The following RBFOX1 variants were observed in gnomAD, a reference collection of about 807,000 sequenced individuals.
The protein encoded by RBFOX1 is RNA binding fox-1 homolog 1.
RBFOX1 carries 8 observed loss-of-function variants against 57.7 expected under a neutral mutation model. That is an observed-to-expected ratio of 0.14 (90% CI 0.08 to 0.25). The LOEUF (loss-of-function observed/expected upper bound fraction) is 0.25. Ranked by LOEUF, RBFOX1 falls within the 10% of genes least tolerant of loss-of-function variation. The pLI is 1.00. For missense variants in RBFOX1, 611 were observed against 548.5 expected (o/e 1.11, Z -1.14); for synonymous variants, 326 against 222.4 (o/e 1.47, Z -4.15).
chr16:7,188,237 T>C (rs1249244814), intron 4 of RBFOX1, among the ~76,000 whole-genome samples: 1 of 152,212 alleles, frequency 6.6e-6, no homozygotes, highest in Non-Finnish European at 1.5e-5. Flanking sequence ...ATAGGCTTCT[T>C]GAAATAGTCC....
chr16:6,149,512 A>G (rs2096782848), intron 1 of RBFOX1, among the ~76,000 whole-genome samples: 1 of 152,238 alleles, frequency 6.6e-6, no homozygotes, highest in Non-Finnish European at 1.5e-5. Context: ...TCATTTTTAC[A>G]TAAGGCCCCA....
intron 4 of RBFOX1, among the ~76,000 whole-genome samples, chr16:7,244,937 C>T (rs1327727079): frequency 1.3e-5 from 2 of 152,292 alleles, no homozygotes; most frequent in South Asian, 4.1e-4. Context: ...ATGTCAGAGG[C>T]ACAGTAGGGA....
intron 3 of RBFOX1, among the ~76,000 whole-genome samples, chr16:5,653,686 G>A (rs1356409348): frequency 6.6e-6 from 1 of 152,192 alleles, no homozygotes; most frequent in Non-Finnish European, 1.5e-5. Context: ...TTTGGGGCAG[G>A]TGCTGGCTCT....
intron 1 of RBFOX1, among the ~76,000 whole-genome samples, chr16:6,265,874 C>T (rs1481369728): frequency 6.6e-6 from 1 of 152,136 alleles, no homozygotes; most frequent in African/African-American, 2.4e-5. Flanking sequence ...ACTTCTTGTA[C>T]ATTTGAAAAC....
chr16:7,558,921 GC>G (rs2089574083), intron 5 of RBFOX1, among the ~76,000 whole-genome samples: 2 of 152,176 alleles, frequency 1.3e-5, no homozygotes, highest in African/African-American at 4.8e-5. Flanking sequence ...GGGCATTTAT[GC>G]TAAATGAACC....
At chr16:6,998,003 T>G (rs933238567) in intron 3 of RBFOX1, among the ~76,000 whole-genome samples, 8 of 151,908 alleles carry the variant, frequency 5.3e-5, no homozygotes, top group African/African-American at 1.9e-4. Context: ...AAAAAAAAAC[T>G]AAAATTGAAG....
chr16:7,474,931 G>A (rs745479018), intron 4 of RBFOX1, among the ~76,000 whole-genome samples: 2 of 152,182 alleles, frequency 1.3e-5, no homozygotes, highest in Non-Finnish European at 1.5e-5. Context: ...TGGAGTGCCT[G>A]TGTTGGTCAA....
intron 4 of RBFOX1, among the ~76,000 whole-genome samples, chr16:7,091,650 C>T (rs1439303530): frequency 6.6e-6 from 1 of 152,230 alleles, no homozygotes; most frequent in African/African-American, 2.4e-5. Context: ...CAGTTCTCAG[C>T]CTGCTGTAAG....
chr16:6,568,022 A>G (rs528532378), intron 2 of RBFOX1, among the ~76,000 whole-genome samples: 4 of 152,102 alleles, frequency 2.6e-5, no homozygotes, highest in South Asian at 2.1e-4. Flanking sequence ...GGGTCTGACT[A>G]TGTTGAACAG....
intron 3 of RBFOX1, among the ~76,000 whole-genome samples, chr16:6,806,290 CT>C (rs550767413): frequency 3.6e-4 from 55 of 152,042 alleles, no homozygotes; most frequent in Non-Finnish European, 7.2e-4. Context: ...CATTATAAAG[CT>C]TTGTAGTAAC....
chr16:5,553,150 G>A (rs1479246395), intron 2 of RBFOX1, among the ~76,000 whole-genome samples: 7 of 152,104 alleles, frequency 4.6e-5, no homozygotes, highest in Admixed American at 3.9e-4. Flanking sequence ...CGGGCTGGGG[G>A]AGAGATAGCA....
intron 3 of RBFOX1, among the ~76,000 whole-genome samples, chr16:5,678,318 G>A (rs1296989349): frequency 1.3e-5 from 2 of 152,158 alleles, no homozygotes; most frequent in East Asian, 1.9e-4. Flanking sequence ...TGGGTTTAGC[G>A]GCTGGTCTTG....
At chr16:6,804,487 C>A (rs1369490830) in intron 3 of RBFOX1, among the ~76,000 whole-genome samples, 1 of 152,102 alleles carries the variant, frequency 6.6e-6, no homozygotes, top group Non-Finnish European at 1.5e-5. Flanking sequence ...CTAACAGGCT[C>A]AACAGCTCTA....
At chr16:5,494,603 G>C (rs548650005) in intron 2 of RBFOX1, among the ~76,000 whole-genome samples, 7 of 152,170 alleles carry the variant, frequency 4.6e-5, no homozygotes, top group Non-Finnish European at 1.0e-4. Context: ...AGGTCTTCTG[G>C]AGGCAGGTGT....
intron 2 of RBFOX1, among the ~76,000 whole-genome samples, chr16:5,570,047 A>G (rs2046225925): frequency 6.6e-6 from 1 of 152,202 alleles, no homozygotes; most frequent in Non-Finnish European, 1.5e-5. Flanking sequence ...ACCCAGTGAC[A>G]TTTACAGAAG....
At chr16:6,348,410 A>G (rs2085737058) in intron 2 of RBFOX1, among the ~76,000 whole-genome samples, 2 of 152,178 alleles carry the variant, frequency 1.3e-5, no homozygotes, top group African/African-American at 2.4e-5. Flanking sequence ...TCTATGGCAA[A>G]TGCTGCCCTT....
At chr16:5,261,304 G>A (rs1307482592) in intron 1 of RBFOX1, among the ~76,000 whole-genome samples, 1 of 152,016 alleles carries the variant, frequency 6.6e-6, no homozygotes, top group African/African-American at 2.4e-5. Flanking sequence ...CTGGCCTTTT[G>A]TCATGGTCAT....
intron 1 of RBFOX1, among the ~76,000 whole-genome samples, chr16:6,133,569 T>C (rs2096645063): frequency 6.6e-6 from 1 of 152,204 alleles, no homozygotes; most frequent in South Asian, 2.1e-4. Flanking sequence ...GTTCTTTCAC[T>C]GAAGTCAGGG....
intron 1 of RBFOX1, among the ~76,000 whole-genome samples, chr16:6,304,726 A>T (rs1048994555): frequency 6.6e-5 from 10 of 151,906 alleles, no homozygotes; most frequent in African/African-American, 2.2e-4. Flanking sequence ...CTCTACCAAA[A>T]ATACAAAAAC....
Sources: allele counts gnomAD v4.1 joint callset (sites outside exome capture counted in the v4.1 genomes callset), GRCh38; gene constraint gnomAD v4.1.1; transcripts MANE v1.5; gene names NCBI Gene and HGNC (gene_info 2026-07-23, HGNC 2026-07-21).